The following EHMT1 variants were observed in gnomAD, a reference collection of about 807,000 sequenced individuals.
EHMT1 encodes the protein histone-lysine N-methyltransferase EHMT1.
A neutral mutation model predicts 147.2 loss-of-function variants in EHMT1; 15 were observed. The observed-to-expected ratio is 0.10, with a 90% confidence interval of 0.07 to 0.16. The LOEUF is 0.16. Ranked by LOEUF, EHMT1 falls within the 10% of genes least tolerant of loss-of-function variation. The pLI is 1.00. For missense variants in EHMT1, 1,587 were observed against 1,772.4 expected, an observed-to-expected ratio of 0.90 and a Z score of 1.88; for synonymous variants, 795 against 709.6, an observed-to-expected ratio of 1.12 and a Z score of -1.91.
chr9:137,756,979 C>T (rs1949423570), intron 8 of EHMT1, among the ~76,000 whole-genome samples: 1 of 152,104 alleles, frequency 6.6e-6, no homozygotes, highest in South Asian at 2.1e-4. Flanking sequence ...TCATTTATTT[C>T]CAGTCATTGA....
Position 137,815,997 on chromosome 9 carries a change from C to G in EHMT1, c.3309C>G (p.Phe1103Leu), listed in dbSNP as rs758005227. 30 of 1,612,604 alleles carry G rather than the reference C, an allele frequency of 1.9e-5. No individual in the cohort carries two copies. The highest frequency in any genetic ancestry group is 2.5e-5 in the Non-Finnish European group (30 of 1,179,402). Residue 1103 changes from phenylalanine to leucine, a missense_variant, in exon 23 of 27, where the codon TTC becomes TTG. Around this residue, in one of 7 missense-constraint regions of EHMT1, gnomAD observed 156 missense variants for 252.5 expected, o/e 0.62. Coordinates refer to ENST00000460843, the MANE Select transcript of EHMT1 (RefSeq NM_024757.5). ...EFNMAEPPLI[F>L]ECNHACSCWR... ...ACATGGCGGAGCCTCCCTTGATCTT[C>G]GAATGCAACCACGCGTGCTCCTGCT... is the stretch of plus-strand genomic sequence containing the variant.
intron 16 of EHMT1, among the ~76,000 whole-genome samples, chr9:137,791,257 G>A (rs993683180): frequency 6.6e-6 from 1 of 152,150 alleles, no homozygotes; most frequent in Non-Finnish European, 1.5e-5. Context: ...CCTGTCTTCA[G>A]CCCAGAGCAA....
chr9:137,763,034 G>A (rs2044154203), intron 10 of EHMT1: 1 of 648,604 alleles, frequency 1.5e-6, no homozygotes. Flanking sequence ...AAGGAGGACT[G>A]TGTAGACAAA....
intron 1 of EHMT1, among the ~76,000 whole-genome samples, chr9:137,649,234 G>C (rs1026556122): frequency 3.9e-5 from 6 of 152,104 alleles, no homozygotes; most frequent in African/African-American, 1.4e-4. Flanking sequence ...ATGAGGTCAG[G>C]AGTTTGAGAC....
At chr9:137,725,046 C>T (rs1231555359) in intron 3 of EHMT1, among the ~76,000 whole-genome samples, 2 of 139,142 alleles carry the variant, frequency 1.4e-5, no homozygotes, top group Non-Finnish European at 3.0e-5. Flanking sequence ...GTGGGGCATT[C>T]GTGGGGCAGG....
chr9:137,784,152 T>C, intron 15 of EHMT1: 3 of 1,550,728 alleles, frequency 1.9e-6, no homozygotes, highest in Non-Finnish European at 2.6e-6. Context: ...CTTTGGTGAC[T>C]TATGGTGAGG....
chr9:137,798,295 G>A (rs1430921556), intron 16 of EHMT1, among the ~76,000 whole-genome samples: 1 of 152,280 alleles, frequency 6.6e-6, no homozygotes, highest in East Asian at 1.9e-4. Context: ...CCAGCTACGT[G>A]GGAGGCTGAG....
At chr9:137,779,381 G>A (rs1951204652) in intron 13 of EHMT1, among the ~76,000 whole-genome samples, 1 of 152,258 alleles carries the variant, frequency 6.6e-6, no homozygotes, top group South Asian at 2.1e-4. Flanking sequence ...GTGTTCTCCT[G>A]CGGTGACTGG....
intron 1 of EHMT1, among the ~76,000 whole-genome samples, chr9:137,619,329 G>T: frequency 6.7e-6 from 1 of 149,986 alleles, no homozygotes; most frequent in East Asian, 2.0e-4. Context: ...GGAGGCGACC[G>T]CGTACCTGTG....
intron 16 of EHMT1, among the ~76,000 whole-genome samples, chr9:137,797,768 G>T (rs532436107): frequency 6.6e-6 from 1 of 152,038 alleles, no homozygotes; most frequent in East Asian, 1.9e-4. Flanking sequence ...GGACTCCACC[G>T]AGATAAGGGG....
At chr9:137,815,807 T>C in intron 22 of EHMT1, 140 bp from the exon 23 acceptor site, 1 of 734,998 alleles carries the variant, frequency 1.4e-6, no homozygotes, top group Non-Finnish European at 2.4e-6. Context: ...TTTCCCTAGG[T>C]GGGTGTTCAA....
At chr9:137,822,239 G>A (rs564952761) in intron 25 of EHMT1, among the ~76,000 whole-genome samples, 6 of 152,302 alleles carry the variant, frequency 3.9e-5, no homozygotes, top group South Asian at 4.1e-4. Flanking sequence ...GTTGTTGGAC[G>A]GTGACCCACC....
intron 1 of EHMT1, among the ~76,000 whole-genome samples, chr9:137,660,420 A>T (rs1938956366): frequency 6.6e-6 from 1 of 152,090 alleles, no homozygotes; most frequent in African/African-American, 2.4e-5. Context: ...TTTCTTCGTC[A>T]GCCTGTCATA....
At chr9:137,808,954 A>G (rs1330415866) in intron 18 of EHMT1, among the ~76,000 whole-genome samples, 1 of 152,204 alleles carries the variant, frequency 6.6e-6, no homozygotes, top group East Asian at 1.9e-4. Context: ...AATTCTGGTT[A>G]TAAAATCATA....
Position 137,775,116 on chromosome 9 carries a change from G to T in EHMT1, c.1655G>T (p.Arg552Leu). ...AGTCTTGTCTGATTGCAGTTGGGCC[G>T]GTGCACAAACAGCGTGGTCAAGTAT... ...ATESVDHELG[R>L]CTNSVVKYEL... The change falls in exon 11 of 27, where the codon CGG becomes CTG. Residue 552 changes from arginine to leucine, a missense_variant. Around this residue, in one of 7 missense-constraint regions of EHMT1, gnomAD observed 124 missense variants for 197.8 expected, o/e 0.63. Transcript: ENST00000460843. This position sits in a 1 kb window ranked among gnomAD's most constrained non-coding sequence, Gnocchi z 6.1. 1.2e-6 allele frequency: 2 copies of T among 1,614,054 alleles called. No homozygotes were observed.
rs149664794 is a variant in EHMT1, at chr9:137,798,106, G to A, written c.2506-707G>A. Among the ~76,000 whole-genome samples, 621 of 152,354 alleles carry A rather than the reference G, an allele frequency of 4.1e-3. 9 individuals carry two copies. Among genetic ancestry groups the A allele is most frequent in the African/African-American group, 0.014 (598 of 41,578 alleles). ...AGGGTGTTCCCAATCTGGGCATGGTGGCTCATGCCTGTAATCCCAGCACTG... is the reference window on the plus strand; with the variant it reads ...AGGGTGTTCCCAATCTGGGCATGGTAGCTCATGCCTGTAATCCCAGCACTG... On this transcript the variant is annotated intron_variant, in intron 16 of 26. Transcript: ENST00000460843.
At chr9:137,798,717 A>G (rs1588769933) in intron 16 of EHMT1, 96 bp from the exon 17 acceptor site, 6 of 990,774 alleles carry the variant, frequency 6.1e-6, no homozygotes, top group Middle Eastern at 2.5e-4. Context: ...CCCCACCCGC[A>G]TGGTAGACAC....
intron 9 of EHMT1, among the ~76,000 whole-genome samples, chr9:137,761,783 A>C (rs188250164): frequency 2.0e-5 from 3 of 152,330 alleles, no homozygotes; most frequent in Admixed American, 2.0e-4. Flanking sequence ...TAATTAAGAG[A>C]GGTAATAGTG....
intron 6 of EHMT1, among the ~76,000 whole-genome samples, chr9:137,750,752 T>TGGCTGCCGGAGGGGGCGC (rs998419854): frequency 9.9e-5 from 15 of 152,208 alleles, no homozygotes; most frequent in African/African-American, 3.4e-4. Flanking sequence ...GCTCAGGACG[T>TGGCTGCCGGAGGGGGCGC]GGCTGCCGGA....
Sources: allele counts gnomAD v4.1 joint callset (sites outside exome capture counted in the v4.1 genomes callset), GRCh38; gene constraint gnomAD v4.1.1; regional missense constraint gnomAD v4.1.1; non-coding constraint Gnocchi (gnomAD v3.1); transcripts MANE v1.5; gene names NCBI Gene and HGNC (gene_info 2026-07-23, HGNC 2026-07-21).